The following ANXA13 variants were observed in gnomAD, a reference collection of about 807,000 sequenced individuals.
ANXA13 encodes the protein annexin A13.
ANXA13 carries 36 observed loss-of-function variants against 46.6 expected under a neutral mutation model. The ratio of observed to expected loss-of-function variants is 0.77; its 90% confidence interval spans 0.59 to 1.02. The LOEUF is 1.02. ANXA13 is among the 50% of genes least tolerant of loss of function. The probability of loss-of-function intolerance (pLI) is 0.00; values close to 1 mark genes in which losing one functional copy is unlikely to be tolerated. For missense variants in ANXA13, 417 were observed against 396.5 expected (o/e 1.05, Z -0.44); for synonymous variants, 163 against 152.9 (o/e 1.07, Z -0.49).
chr8:123,691,943 C>T (rs550940096), intron 8 of ANXA13, among the ~76,000 whole-genome samples: 1 of 152,168 alleles, frequency 6.6e-6, no homozygotes, highest in African/African-American at 2.4e-5. Context: ...GGAGGAGGAT[C>T]TCAGTCATAG....
chr8:123,706,419 G>T (rs1184896533), intron 2 of ANXA13, among the ~76,000 whole-genome samples: 1 of 152,154 alleles, frequency 6.6e-6, no homozygotes, highest in African/African-American at 2.4e-5. Flanking sequence ...GAGCCTTTCT[G>T]CGTGCAGGAG....
chr8:123,712,848 A>C, intron 1 of ANXA13, 95 bp from the exon 2 acceptor site: 4 of 1,051,312 alleles, frequency 3.8e-6, no homozygotes, highest in Non-Finnish European at 5.8e-6. Flanking sequence ...CCAAATAGTC[A>C]TCCTAACCAG....
At chr8:123,723,613 G>A (rs1257712120) in intron 1 of ANXA13, among the ~76,000 whole-genome samples, 1 of 152,190 alleles carries the variant, frequency 6.6e-6, no homozygotes, top group African/African-American at 2.4e-5. Context: ...CACAGTGAAA[G>A]TATTTACACC....
intron 2 of ANXA13, among the ~76,000 whole-genome samples, chr8:123,709,862 G>A (rs554918595): frequency 2.6e-4 from 39 of 152,244 alleles, no homozygotes; most frequent in African/African-American, 8.7e-4. Flanking sequence ...AGGTTGAAGC[G>A]ATTCTCCTGC....
chr8:123,684,560 G>T (rs1414586064), intron 10 of ANXA13, 50 bp downstream of exon 10: 1 of 1,288,154 alleles, frequency 7.8e-7, no homozygotes, highest in Non-Finnish European at 1.1e-6. Context: ...CATCAGTGGT[G>T]GAAAAAAGAG....
Position 123,698,579 on chromosome 8 carries a change from G to C in ANXA13, c.187-20C>G, listed in dbSNP as rs775421021. ...CAGCTCCTACCAGAAGACAGTGAGAGACGTGCTGGGAATGGCCCAGGAGGA... is the reference window on the plus strand; with the variant it reads ...CAGCTCCTACCAGAAGACAGTGAGACACGTGCTGGGAATGGCCCAGGAGGA... On this transcript the variant is annotated intron_variant, in intron 3 of 10. Transcript: ENST00000419625. 48 of 1,612,418 alleles carry C rather than the reference G, an allele frequency of 3.0e-5. No individual in the cohort carries two copies. The Admixed American group carries it at 8.0e-4, about 27-fold the overall frequency.
At chr8:123,708,487 C>T (rs1048746220) in intron 2 of ANXA13, among the ~76,000 whole-genome samples, 3 of 152,180 alleles carry the variant, frequency 2.0e-5, no homozygotes, top group African/African-American at 7.2e-5. Context: ...CTGCAGCCCC[C>T]GCTCTGGTGC....
Position 123,709,111 on chromosome 8 carries a change from C to T in ANXA13, c.91+3567G>A, listed in dbSNP as rs375096117. 1.4e-3 allele frequency among the ~76,000 whole-genome samples: 206 copies of T among 152,312 alleles called. 1 individual carries two copies. Among genetic ancestry groups the T allele is most frequent in the African/African-American group, 4.4e-3 (181 of 41,568 alleles). ...CCCTGAGTGATGGAGAACAAGGGCG[C>T]GCCTACTCAATGCTCATACCGATCT... On this transcript the variant is annotated intron_variant, in intron 2 of 10. Coordinates refer to ENST00000419625, the MANE Select transcript of ANXA13 (RefSeq NM_004306.4).
intron 1 of ANXA13, among the ~76,000 whole-genome samples, chr8:123,720,912 C>G (rs926559546): frequency 2.0e-5 from 3 of 151,960 alleles, no homozygotes; most frequent in Non-Finnish European, 4.4e-5. Context: ...TAACAATTGA[C>G]CTTAACAATT....
At chr8:123,731,260 C>A (rs747589288) in intron 1 of ANXA13, among the ~76,000 whole-genome samples, 2 of 152,120 alleles carry the variant, frequency 1.3e-5, no homozygotes, top group African/African-American at 4.8e-5. Flanking sequence ...GAATACCTGA[C>A]GTTAGACTCG....
intron 1 of ANXA13, chr8:123,735,951 A>G: frequency 2.0e-6 from 3 of 1,483,302 alleles, no homozygotes; most frequent in Non-Finnish European, 2.7e-6. Flanking sequence ...GTTGACTTTC[A>G]AAAGACAAAA....
Position 123,693,695 on chromosome 8 carries a change from A to C in ANXA13, c.540+16T>G, listed in dbSNP as rs773180630. 1.9e-6 allele frequency: 3 copies of C among 1,593,260 alleles called. No homozygotes were observed. The highest frequency in any genetic ancestry group is 2.6e-6 in the Non-Finnish European group (3 of 1,172,230). On this transcript the variant is annotated intron_variant, in intron 7 of 10. Coordinates refer to ENST00000419625, the MANE Select transcript of ANXA13 (RefSeq NM_004306.4). ...AAAAAAAGAATTTGCAGAGACTGGC[A>C]TGTCTGCACACATACATCATACAGA...
intron 1 of ANXA13, among the ~76,000 whole-genome samples, chr8:123,727,022 G>A (rs1045887164): frequency 3.3e-5 from 5 of 152,160 alleles, no homozygotes; most frequent in African/African-American, 4.8e-5. Context: ...AAAGGCATAA[G>A]AATGATACAA....
intron 1 of ANXA13, chr8:123,728,975 C>T (rs1814056142): frequency 6.6e-6 from 1 of 152,036 alleles, no homozygotes; most frequent in Non-Finnish European, 1.5e-5. Context: ...CATCCTCCTT[C>T]TATTTCAGTC....
chr8:123,693,545 C>G (rs1563606906), intron 7 of ANXA13, among the ~76,000 whole-genome samples, 166 bp downstream of exon 7: 1 of 152,140 alleles, frequency 6.6e-6, no homozygotes, highest in Non-Finnish European at 1.5e-5. Context: ...AGGAACCATT[C>G]ATTTAGATTC....
chr8:123,703,149 C>T (rs530050238), intron 2 of ANXA13, among the ~76,000 whole-genome samples: 2 of 152,290 alleles, frequency 1.3e-5, no homozygotes, highest in African/African-American at 4.8e-5. Context: ...ATGGGGTATC[C>T]ATACAATGGA....
intron 9 of ANXA13, among the ~76,000 whole-genome samples, chr8:123,685,733 A>G (rs776119310): frequency 3.9e-5 from 6 of 152,220 alleles, no homozygotes; most frequent in Non-Finnish European, 8.8e-5. Context: ...TTTACAGGCC[A>G]TGTGGCAGCT....
intron 9 of ANXA13, among the ~76,000 whole-genome samples, chr8:123,686,728 C>A (rs1813146876): frequency 1.3e-5 from 2 of 152,256 alleles, no homozygotes; most frequent in South Asian, 2.1e-4. Context: ...GGTCCATAGA[C>A]CTCACTTTGA....
At chr8:123,709,131 C>T (rs537521019) in intron 2 of ANXA13, among the ~76,000 whole-genome samples, 2 of 152,342 alleles carry the variant, frequency 1.3e-5, no homozygotes, top group South Asian at 2.1e-4. Flanking sequence ...ATGCTCATAC[C>T]GATCTCACTG....
Sources: gnomAD v4.1 joint callset for allele counts (sites outside exome capture counted in the v4.1 genomes callset) on GRCh38, gnomAD v4.1.1 for gene constraint, MANE v1.5 for transcripts, NCBI Gene and HGNC (gene_info 2026-07-23, HGNC 2026-07-21) for gene names.